Variants in ANGEL2 observed in about 807,000 individuals in gnomAD.
ANGEL2 encodes the protein RNA 2',3'-cyclic phosphatase ANGEL2.
Under a neutral mutation model 66.0 loss-of-function variants are expected in ANGEL2, and 41 were observed. The observed-to-expected ratio is 0.62, with a 90% CI of 0.48 to 0.81. The LOEUF is 0.81. Among genes scored for constraint, ANGEL2 ranks in the 30% least tolerant of loss-of-function variants. The probability of loss-of-function intolerance (pLI) is 0.00; values close to 1 mark genes in which losing one functional copy is unlikely to be tolerated. For missense variants in ANGEL2, 561 were observed against 641.6 expected, an observed-to-expected ratio of 0.87 and a Z score of 1.36; for synonymous variants, 208 against 226.5, an observed-to-expected ratio of 0.92 and a Z score of 0.73.
At chr1:213,014,498 T>G (rs1476869540) in intron 1 of ANGEL2, among the ~76,000 whole-genome samples, 1 of 152,250 alleles carries the variant, frequency 6.6e-6, no homozygotes, top group African/African-American at 2.4e-5. Context: ...CATTCTACAC[T>G]GCTTTGTGAT....
intron 2 of ANGEL2, among the ~76,000 whole-genome samples, chr1:213,011,811 C>T (rs764263258): frequency 1.3e-5 from 2 of 152,210 alleles, no homozygotes; most frequent in Non-Finnish European, 2.9e-5. Flanking sequence ...AGAGGCTAAA[C>T]AAGAGGAGTG....
chr1:213,000,105 G>T (rs115157114), intron 7 of ANGEL2, among the ~76,000 whole-genome samples: 117 of 152,268 alleles, frequency 7.7e-4, no homozygotes, highest in African/African-American at 2.7e-3. Flanking sequence ...TATAGACAAA[G>T]AAACTGAACC....
intron 2 of ANGEL2, chr1:213,011,411 A>C: frequency 8.8e-7 from 1 of 1,133,166 alleles, no homozygotes; most frequent in Non-Finnish European, 1.1e-6. Flanking sequence ...GAAATATCGG[A>C]AGTCACAAAT....
intron 4 of ANGEL2, chr1:213,006,391 G>A (rs2076328519): frequency 6.6e-6 from 1 of 151,786 alleles, no homozygotes. Context: ...GTGAACCTGG[G>A]AGGTGGAGCT....
At chr1:213,010,629 A>G (rs1336511966) in intron 2 of ANGEL2, among the ~76,000 whole-genome samples, 1 of 151,920 alleles carries the variant, frequency 6.6e-6, no homozygotes, top group African/African-American at 2.4e-5. Context: ...CATAAACTGG[A>G]GACTGTCTAT....
intron 1 of ANGEL2, chr1:213,015,393 CA>C: frequency 7.0e-7 from 1 of 1,423,614 alleles, no homozygotes; most frequent in Non-Finnish European, 9.2e-7. Flanking sequence ...GCCAAGACCC[CA>C]GACCTCGTTG....
chr1:213,010,224 T>C (rs187629881), intron 2 of ANGEL2, among the ~76,000 whole-genome samples: 20 of 152,034 alleles, frequency 1.3e-4, no homozygotes, highest in African/African-American at 4.6e-4. Flanking sequence ...CTAAGGCCAA[T>C]TGTACTGGCT....
intron 2 of ANGEL2, among the ~76,000 whole-genome samples, chr1:213,011,926 T>G (rs905649731): frequency 6.6e-6 from 1 of 152,258 alleles, no homozygotes; most frequent in African/African-American, 2.4e-5. Flanking sequence ...CTAATTTTAA[T>G]GCCTCTAAAT....
chr1:213,000,302 C>G (rs2076143353), intron 7 of ANGEL2, 24 bp downstream of exon 7: 1 of 1,592,430 alleles, frequency 6.3e-7, no homozygotes, highest in African/African-American at 1.3e-5. Context: ...TAGCAAATGT[C>G]TCCTTTTGCT....
At chr1:213,006,262 C>T (rs913471166) in intron 4 of ANGEL2, among the ~76,000 whole-genome samples, 5 of 152,070 alleles carry the variant, frequency 3.3e-5, no homozygotes, top group African/African-American at 9.6e-5. Flanking sequence ...GAGATCAAGG[C>T]CATCCTGGCT....
chr1:213,013,043 T>C (rs2076547569), intron 2 of ANGEL2, 50 bp downstream of exon 2: 1 of 1,543,044 alleles, frequency 6.5e-7, no homozygotes, highest in Non-Finnish European at 8.8e-7. Context: ...AGTTTCAATT[T>C]AGTCTATCAC....
At chr1:212,996,076 G>A (rs1316998893) in intron 8 of ANGEL2, among the ~76,000 whole-genome samples, 1 of 152,166 alleles carries the variant, frequency 6.6e-6, no homozygotes, top group Non-Finnish European at 1.5e-5. Flanking sequence ...GGGAGGCCGA[G>A]GCAGGCAGAT....
intron 5 of ANGEL2, chr1:213,001,262 G>C: frequency 4.3e-6 from 1 of 233,334 alleles, no homozygotes; most frequent in South Asian, 5.7e-5. Context: ...CTGCGGGTTT[G>C]GTTTCAGGCC....
intron 2 of ANGEL2, chr1:213,011,192 A>G (rs1415264849): frequency 7.8e-7 from 1 of 1,289,152 alleles, no homozygotes; most frequent in Admixed American, 2.3e-5. Context: ...AATTCACACT[A>G]CAAAAGCTTA....
At chr1:212,998,211 T>A (rs1423838646) in intron 7 of ANGEL2, among the ~76,000 whole-genome samples, 2 of 148,234 alleles carry the variant, frequency 1.3e-5, no homozygotes, top group Non-Finnish European at 3.0e-5. Context: ...GGCAACACAG[T>A]GAGACCTCAT....
chr1:213,000,926 C>A lies in ANGEL2; in HGVS notation c.1135-14G>T. On this transcript the variant is annotated splice_polypyrimidine_tract_variant and intron_variant, in intron 5 of 8. Transcript: ENST00000366962. The stretch of plus-strand genomic sequence containing the variant: ...CTGGCCAGATACCTAAACAAAATTT[C>A]AACAGGTATCTTAAGTGAAAAGATT... 16 of 1,602,404 alleles carry A rather than the reference C, an allele frequency of 1.0e-5. No homozygotes were observed. Among genetic ancestry groups the A allele is most frequent in the Non-Finnish European group, 1.3e-5 (15 of 1,177,618 alleles).
intron 5 of ANGEL2, among the ~76,000 whole-genome samples, chr1:213,003,585 GATTAAGTTCTCATTTTAT>G (rs1457725968): frequency 2.6e-5 from 4 of 152,158 alleles, no homozygotes; most frequent in African/African-American, 9.7e-5. Context: ...CACATTTATC[GATTAAGTTCTCATTTTAT>G]ATGGGTACAG....
chr1:213,008,366 C>G lies in ANGEL2; in HGVS notation c.486G>C (p.Glu162Asp). Residue 162 changes from glutamate to aspartate, a missense_variant, in exon 3 of 9, where the codon GAG becomes GAC. Physicochemically the swap from Glu to Asp is conservative, Grantham distance 45. Coordinates refer to ENST00000366962, the MANE Select transcript of ANGEL2 (RefSeq NM_144567.5). ...ACATCACTGAAAAGTCAAACTTGTT[C>G]TCACTGTCTTCACATTTGGGATCAA... ...KNVDPKCEDS[E>D]NKFDFSVMSY... is the part of the protein sequence containing the mutation. The G allele has an allele frequency of 1.9e-6, 3 of 1,614,178 alleles. No individual in the cohort carries two copies. Among genetic ancestry groups the G allele is most frequent in the Non-Finnish European group, 2.5e-6 (3 of 1,180,042 alleles).
chr1:212,998,263 G>A (rs865953233), intron 7 of ANGEL2, among the ~76,000 whole-genome samples: 20 of 151,604 alleles, frequency 1.3e-4, no homozygotes, highest in African/African-American at 3.9e-4. Context: ...GTAGCTACGC[G>A]TGGAGGCACA....
Sources: allele counts gnomAD v4.1 joint callset (sites outside exome capture counted in the v4.1 genomes callset), GRCh38; gene constraint gnomAD v4.1.1; transcripts MANE v1.5; gene names NCBI Gene and HGNC (gene_info 2026-07-23, HGNC 2026-07-21).